Variants in PIK3C2G observed in about 807,000 individuals in gnomAD.
The protein encoded by PIK3C2G is phosphatidylinositol-4-phosphate 3-kinase catalytic subunit type 2 gamma.
Under a neutral mutation model 181.1 loss-of-function variants are expected in PIK3C2G, and 168 were observed. The observed-to-expected ratio is 0.93, with a 90% CI of 0.82 to 1.05. The LOEUF (loss-of-function observed/expected upper bound fraction) is 1.05. Among genes scored for constraint, PIK3C2G ranks in the 50% least tolerant of loss-of-function variants. PIK3C2G has a pLI of 0.00. For missense variants in PIK3C2G, 1,869 were observed against 1,732.8 expected (o/e 1.08, Z -1.40); for synonymous variants, 573 against 592.2 (o/e 0.97, Z 0.47).
rs554352733 is a variant in PIK3C2G, at chr12:18,606,994, A to G, written c.4088-2541A>G. Among the ~76,000 whole-genome samples the G allele has an allele frequency of 3.9e-5, 6 of 152,248 alleles. No homozygotes were observed. In the South Asian group the frequency reaches 1.2e-3, roughly 32 times the overall value. On this transcript the variant is annotated intron_variant, in intron 30 of 32. Coordinates refer to ENST00000538779, the MANE Select transcript of PIK3C2G (RefSeq NM_001288772.2). ...TTAATGTGCACATTATGGAGTAAGC[A>G]TTGGCTTTGCCCCTTGGGGATATAG...
chr12:18,427,235 G>C (rs1269962612), intron 18 of PIK3C2G, among the ~76,000 whole-genome samples: 1 of 151,510 alleles, frequency 6.6e-6, no homozygotes, highest in Non-Finnish European at 1.5e-5. Context: ...GGCGGGCGTG[G>C]TGGCTCACGT....
intron 30 of PIK3C2G, among the ~76,000 whole-genome samples, chr12:18,605,008 A>G (rs529867030): frequency 1.3e-5 from 2 of 152,134 alleles, no homozygotes; most frequent in Non-Finnish European, 2.9e-5. Context: ...AGCCAAACCC[A>G]CACTCAGCAG....
chr12:18,463,717 A>G (rs1262311907), intron 18 of PIK3C2G, among the ~76,000 whole-genome samples: 1 of 152,182 alleles, frequency 6.6e-6, no homozygotes, highest in Non-Finnish European at 1.5e-5. Context: ...AAGAAATGGG[A>G]GAGACATCAA....
intron 17 of PIK3C2G, 106 bp downstream of exon 17, chr12:18,421,140 G>A (rs1945463010): frequency 3.7e-6 from 2 of 544,344 alleles, no homozygotes; most frequent in South Asian, 6.3e-5. Flanking sequence ...ATTGCAATTT[G>A]GCCACCCAAG....
At chr12:18,529,103 G>C (rs556981271) in intron 24 of PIK3C2G, among the ~76,000 whole-genome samples, 1 of 142,044 alleles carries the variant, frequency 7.0e-6, no homozygotes. Context: ...CACAGCCTAC[G>C]CTTTTTCCAG....
downstream of PIK3C2G, among the ~76,000 whole-genome samples, chr12:18,649,539 T>A (rs1159166700): frequency 6.6e-6 from 1 of 152,100 alleles, no homozygotes; most frequent in African/African-American, 2.4e-5. Flanking sequence ...TCCCTGCCAA[T>A]TGCTGACCCA....
chr12:18,512,243 A>G (rs1170174005), intron 24 of PIK3C2G, among the ~76,000 whole-genome samples: 1 of 151,916 alleles, frequency 6.6e-6, no homozygotes, highest in Non-Finnish European at 1.5e-5. Flanking sequence ...GAAGTTGGGT[A>G]GTGTGATTCC....
intron 29 of PIK3C2G, among the ~76,000 whole-genome samples, chr12:18,581,508 G>A (rs867491093): frequency 6.6e-6 from 1 of 152,288 alleles, no homozygotes; most frequent in East Asian, 1.9e-4. Flanking sequence ...ACAACTCTTA[G>A]TGCACAAGCA....
At chr12:18,534,719 A>C (rs1943750135) in intron 24 of PIK3C2G, among the ~76,000 whole-genome samples, 1 of 151,624 alleles carries the variant, frequency 6.6e-6, no homozygotes, top group South Asian at 2.1e-4. Context: ...TCTGATCCTG[A>C]CAAGGTTTGG....
chr12:18,276,536 A>G (rs1046917734), intron 1 of PIK3C2G, among the ~76,000 whole-genome samples: 1 of 152,286 alleles, frequency 6.6e-6, no homozygotes, highest in Admixed American at 6.5e-5. Flanking sequence ...ATAAACCTCA[A>G]ATACGTTCTT....
intron 16 of PIK3C2G, among the ~76,000 whole-genome samples, chr12:18,403,692 T>A (rs929260319): frequency 1.3e-5 from 2 of 152,276 alleles, no homozygotes; most frequent in East Asian, 3.9e-4. Flanking sequence ...GCAAGAGGCA[T>A]GATGAAATTT....
At chr12:18,443,455 GT>G (rs55801405) in intron 18 of PIK3C2G, among the ~76,000 whole-genome samples, 35,566 of 150,964 alleles carry the variant, frequency 0.24, 4,426 homozygotes, top group Admixed American at 0.34. Flanking sequence ...TGGCTTTAAA[GT>G]TTTTTTTTCA....
Position 18,536,108 on chromosome 12 carries a change from A to G in PIK3C2G, c.3324-2048A>G, listed in dbSNP as rs542145759. ...CATGTACCCTAAAACTTAAAGTATA[A>G]TTAAAAAAATGCTATCAAATTCAAA... On this transcript the variant is annotated intron_variant, in intron 24 of 32. Coordinates refer to ENST00000538779, the MANE Select transcript of PIK3C2G (RefSeq NM_001288772.2). 3.3e-5 allele frequency among the ~76,000 whole-genome samples: 5 copies of G among 152,242 alleles called. No homozygotes were observed. In the South Asian group the frequency reaches 8.3e-4, roughly 25 times the overall value.
the PIK3C2G span, chr12:18,713,043 A>T: frequency 1.9e-6 from 3 of 1,589,948 alleles, no homozygotes; most frequent in Non-Finnish European, 2.6e-6. Context: ...AATATATACC[A>T]AAGTATTAAA....
chr12:18,493,630 G>C (rs1940765360), intron 20 of PIK3C2G: 1 of 152,238 alleles, frequency 6.6e-6, no homozygotes, highest in African/African-American at 2.4e-5. Flanking sequence ...GATTGTGTGA[G>C]CCATTATAGT....
intron 5 of PIK3C2G, among the ~76,000 whole-genome samples, chr12:18,297,277 T>A (rs983197743): frequency 2.0e-5 from 3 of 152,072 alleles, no homozygotes; most frequent in African/African-American, 7.2e-5. Context: ...TTCATAATTT[T>A]TTCTCTTATT....
chr12:18,695,011 C>G, the PIK3C2G span: 2 of 1,612,190 alleles, frequency 1.2e-6, no homozygotes, highest in East Asian at 2.2e-5. Context: ...TATCCAGAAC[C>G]ACCATTATCC....
the PIK3C2G span, among the ~76,000 whole-genome samples, chr12:18,708,035 A>G: frequency 6.6e-6 from 1 of 152,336 alleles, no homozygotes; most frequent in African/African-American, 2.4e-5. Flanking sequence ...GCTAAAATCT[A>G]TTCATTCAGC....
intron 31 of PIK3C2G, among the ~76,000 whole-genome samples, chr12:18,637,067 C>G (rs973119879): frequency 6.6e-6 from 1 of 152,140 alleles, no homozygotes; most frequent in Non-Finnish European, 1.5e-5. Flanking sequence ...CCTCTATAAG[C>G]CCCCTACTCT....
Sources: allele counts gnomAD v4.1 joint callset (sites outside exome capture counted in the v4.1 genomes callset), GRCh38; gene constraint gnomAD v4.1.1; transcripts MANE v1.5; gene names NCBI Gene and HGNC (gene_info 2026-07-23, HGNC 2026-07-21).